NLRP4: variants seen among roughly 807,000 people sequenced by gnomAD.
NLRP4 encodes the protein NACHT, LRR and PYD domains-containing protein 4.
NLRP4 carries 44 observed loss-of-function variants against 84.7 expected under a neutral mutation model. The observed-to-expected ratio is 0.52, with a 90% CI of 0.41 to 0.67. The LOEUF (loss-of-function observed/expected upper bound fraction) is 0.67. NLRP4 is among the 30% of genes least tolerant of loss of function. The pLI is 0.00. For missense variants in NLRP4, 1,260 were observed against 1,219.4 expected (o/e 1.03, Z -0.50); for synonymous variants, 544 against 476.4 (o/e 1.14, Z -1.85).
chr19:55,869,497 T>C (rs1985091139), intron 6 of NLRP4, among the ~76,000 whole-genome samples: 1 of 152,212 alleles, frequency 6.6e-6, no homozygotes, highest in South Asian at 2.1e-4. Context: ...ATCTTGTGTC[T>C]GTCAACAGGA....
intron 1 of NLRP4, among the ~76,000 whole-genome samples, chr19:55,851,079 G>A (rs55678756): frequency 7.8e-6 from 1 of 128,658 alleles, no homozygotes; most frequent in African/African-American, 3.8e-5. Flanking sequence ...CCGAGGCTGC[G>A]GTGTAATGTC....
Position 55,854,926 on chromosome 19 carries a change from G to A in NLRP4, c.280+2566G>A, listed in dbSNP as rs147102448. On this transcript the variant is annotated intron_variant, in intron 2 of 9. Transcript: ENST00000301295. Reference sequence around the variant, plus strand: ...TTTAGTAGAGACGGGATTTTGCCATGTTGGCCAGGCTGGTGTTGAACTGCT... The same window carrying A: ...TTTAGTAGAGACGGGATTTTGCCATATTGGCCAGGCTGGTGTTGAACTGCT... Among the ~76,000 whole-genome samples, 484 of 152,296 alleles carry A rather than the reference G, an allele frequency of 3.2e-3. 2 individuals are homozygous for A. Among genetic ancestry groups the A allele is most frequent in the Non-Finnish European group, 5.2e-3 (352 of 68,026 alleles).
At chr19:55,876,497 C>T (rs1165981907) in intron 7 of NLRP4, among the ~76,000 whole-genome samples, 1 of 152,040 alleles carries the variant, frequency 6.6e-6, no homozygotes, top group Non-Finnish European at 1.5e-5. Flanking sequence ...TACAGGCACG[C>T]ATCGCCATGC....
rs1345585065 is a variant in NLRP4 at position 55,867,814 on chromosome 19, C to T, written c.2292C>T (p.Asp764=). ...TGAATGTATCCTGCAACCAGTTAGA[C>T]ACAGGCGTGCCCCTTTTGTGTGAAG... ...TYLNVSCNQL[D]TGVPLLCEAL... Residue 764 remains aspartate, a synonymous_variant, in exon 6 of 10, where the codon GAC becomes GAT. Coordinates refer to ENST00000301295, the MANE Select transcript of NLRP4 (RefSeq NM_134444.5). The T allele has an allele frequency of 1.2e-6, 2 of 1,614,180 alleles. No homozygotes were observed. Among genetic ancestry groups the T allele is most frequent in the Non-Finnish European group, 1.7e-6 (2 of 1,180,010 alleles).
At chr19:55,869,272 G>C (rs1476328862) in intron 6 of NLRP4, among the ~76,000 whole-genome samples, 2 of 151,964 alleles carry the variant, frequency 1.3e-5, no homozygotes, top group Admixed American at 1.3e-4. Context: ...GCTGAGGCTG[G>C]AGAATCGCTT....
chr19:55,852,084 G>A lies in NLRP4; in HGVS notation c.4G>A (p.Ala2Thr), dbSNP rs558896932. M[A>T]ASFFSDFGLM... ...TGGTATCTCTGCTCCAGAAAAGATG[G>A]CAGCCTCTTTCTTCTCTGATTTTGG... Residue 2 changes from alanine to threonine, a missense_variant, in exon 2 of 10, where the codon GCA (alanine) becomes ACA (threonine). By Grantham distance (58) the Ala-to-Thr change is moderately conservative (BLOSUM62 0). This residue lies in a region of NLRP4 where 712 missense variants were observed against 669.2 expected (regional missense o/e 1.06). Coordinates refer to ENST00000301295, the MANE Select transcript of NLRP4 (RefSeq NM_134444.5). The A allele has an allele frequency of 1.3e-6, 2 of 1,588,740 alleles. No homozygotes were observed. Among genetic ancestry groups the A allele is most frequent in the African/African-American group, 1.4e-5 (1 of 73,174 alleles).
At chr19:55,845,339 C>T (rs886385425) in intron 1 of NLRP4, among the ~76,000 whole-genome samples, 6 of 151,808 alleles carry the variant, frequency 4.0e-5, no homozygotes, top group African/African-American at 1.2e-4. Flanking sequence ...ATCCATGTCC[C>T]CACAAAGGAC....
At chr19:55,843,155 G>T (rs1279983945) in intron 1 of NLRP4, among the ~76,000 whole-genome samples, 1 of 152,128 alleles carries the variant, frequency 6.6e-6, no homozygotes, top group African/African-American at 2.4e-5. Flanking sequence ...TCTTCTTTCT[G>T]TAGCACCTGA....
At chr19:55,871,283 C>T (rs777908250) in intron 7 of NLRP4, among the ~76,000 whole-genome samples, 7 of 152,126 alleles carry the variant, frequency 4.6e-5, no homozygotes, top group Non-Finnish European at 8.8e-5. Context: ...AATTTCATGG[C>T]GAAGATGATA....
intron 7 of NLRP4, among the ~76,000 whole-genome samples, chr19:55,873,472 A>G (rs1250974274): frequency 1.3e-5 from 2 of 152,182 alleles, no homozygotes; most frequent in East Asian, 3.8e-4. Flanking sequence ...AATTAAACGA[A>G]CAGATTAAAT....
intron 1 of NLRP4, among the ~76,000 whole-genome samples, chr19:55,850,016 TGCGGTGTGATTTCC>T (rs1983991485): frequency 6.9e-6 from 1 of 144,748 alleles, no homozygotes; most frequent in African/African-American, 2.7e-5. Flanking sequence ...TTTCCGAGAC[TGCGGTGTGATTTCC>T]GAGACTGCGG....
At position 55,858,796 on chromosome 19, in the gene NLRP4, G is replaced by C. The variant is rs143362876; in HGVS notation, c.1403G>C (p.Ser468Thr). The C allele has an allele frequency of 1.9e-6, 3 of 1,614,118 alleles. No homozygotes were observed. The highest frequency in any genetic ancestry group is 1.7e-4 in the Middle Eastern group (1 of 6,060). Reference protein sequence around the residue: ...FCAALFYLLKSHLDHPHPAVR... With the variant: ...FCAALFYLLKTHLDHPHPAVR... ...GCCGCCTTGTTCTATTTGCTCAAGA[G>C]CCACCTTGATCATCCTCACCCAGCT... is the stretch of plus-strand genomic sequence containing the variant. Residue 468 changes from serine (S) to threonine (T), a missense_variant, in exon 3 of 10, where the codon AGC becomes ACC. By Grantham distance (58) the Ser-to-Thr change is moderately conservative. Around this residue, in one of 3 missense-constraint regions of NLRP4, gnomAD observed 712 missense variants for 669.2 expected, o/e 1.06. Coordinates refer to ENST00000301295, the MANE Select transcript of NLRP4 (RefSeq NM_134444.5). The surrounding 1 kb of genome is among the most constrained non-coding windows in gnomAD (Gnocchi z 4.2).
At chr19:55,873,754 G>A (rs1228275365) in intron 7 of NLRP4, among the ~76,000 whole-genome samples, 1 of 152,174 alleles carries the variant, frequency 6.6e-6, no homozygotes, top group Non-Finnish European at 1.5e-5. Flanking sequence ...TTCGGTTCAT[G>A]CTAATTTTTA....
intron 1 of NLRP4, among the ~76,000 whole-genome samples, chr19:55,850,184 AATTTCCGT>A (rs1475889423): frequency 1.0e-4 from 11 of 110,370 alleles, no homozygotes; most frequent in Non-Finnish European, 1.5e-4. Context: ...GCTGCGGTGT[AATTTCCGT>A]GGCTGCGGTG....
In NLRP4 at chr19:55,881,136, C is replaced by CGTGTGTGTGTGTGTGTGTGTGTGT. The variant is rs56806641; in HGVS notation, c.2868-327_2868-304dup. 6.6e-3 allele frequency among the ~76,000 whole-genome samples: 924 copies of CGTGTGTGTGTGTGTGTGTGTGTGT among 139,546 alleles called. 7 individuals are homozygous for CGTGTGTGTGTGTGTGTGTGTGTGT. Among genetic ancestry groups the CGTGTGTGTGTGTGTGTGTGTGTGT allele is most frequent in the Middle Eastern group, 0.026 (7 of 270 alleles). 91.5% of individuals were successfully genotyped at this position (139,546 alleles called of 152,430 possible). A position where few individuals can be genotyped will look rare whatever the true frequency, so the allele number is the denominator to read the frequency against. On this transcript the variant is annotated intron_variant, in intron 9 of 9. Coordinates refer to ENST00000301295, the MANE Select transcript of NLRP4 (RefSeq NM_134444.5). ...AGCTCCTACAAGCTGGTGAGAGCCA[C>CGTGTGTGTGTGTGTGTGTGTGTGT]GTGTGTGTGTGTGTGTGTGTGTGTG...
rs1409405957 is a variant in NLRP4, at chr19:55,857,772, G to A, written c.379G>A (p.Val127Ile). The A allele has an allele frequency of 6.2e-7, 1 of 1,613,972 alleles. No homozygotes were observed. ...GATTCACCTATACTTTGAGGAGGAAGTCAAGCAAGAAGAATGTGACCATTT... is the reference window on the plus strand; with the variant it reads ...GATTCACCTATACTTTGAGGAGGAAATCAAGCAAGAAGAATGTGACCATTT... Reference protein sequence around the residue: ...TEIHLYFEEEVKQEECDHLDR... With the variant: ...TEIHLYFEEEIKQEECDHLDR... The change falls in exon 3 of 10, where the codon GTC becomes ATC. Residue 127 changes from valine (V) to isoleucine (I), a missense_variant. By Grantham distance (29) the Val-to-Ile change is conservative. Coordinates refer to ENST00000301295, the MANE Select transcript of NLRP4 (RefSeq NM_134444.5).
At chr19:55,852,924 T>C (rs436488) in intron 2 of NLRP4, among the ~76,000 whole-genome samples, 48,285 of 152,060 alleles carry the variant, frequency 0.32, 11,509 homozygotes, top group African/African-American at 0.68. Context: ...GAACTTGCAG[T>C]CAAGCCAGAA....
At chr19:55,872,188 A>C (rs1985212212) in intron 7 of NLRP4, among the ~76,000 whole-genome samples, 1 of 152,166 alleles carries the variant, frequency 6.6e-6, no homozygotes, top group Non-Finnish European at 1.5e-5. Context: ...AGTAGATAGC[A>C]CTTAAGGCTA....
rs1412747026 is a variant in NLRP4 at position 55,859,049 on chromosome 19, G to A, written c.1656G>A (p.Ala552=). The A allele has an allele frequency of 1.1e-5, 17 of 1,613,760 alleles. No individual in the cohort carries two copies. Among genetic ancestry groups the A allele is most frequent in the African/African-American group, 1.3e-5 (1 of 74,908 alleles). The change falls in exon 3 of 10, where the codon GCG becomes GCA. Residue 552 remains alanine (A), a synonymous_variant. Transcript: ENST00000301295. ...CTCAGGGACAGGTGGATTCCTTGGC[G>A]ATATTTTACTGTCTCTTTGAAATGC... ...GNPQGQVDSL[A]IFYCLFEMQD...
Sources: gnomAD v4.1 joint callset for allele counts (sites outside exome capture counted in the v4.1 genomes callset) on GRCh38, gnomAD v4.1.1 for gene constraint, gnomAD v4.1.1 regional missense constraint, Gnocchi (gnomAD v3.1) non-coding constraint, MANE v1.5 for transcripts, NCBI Gene and HGNC (gene_info 2026-07-23, HGNC 2026-07-21) for gene names.